Variants in UBE2E2 observed in about 807,000 individuals in gnomAD.
UBE2E2 encodes ubiquitin-conjugating enzyme E2 E2.
Under a neutral mutation model 24.7 loss-of-function variants are expected in UBE2E2, and 6 were observed. That is an observed-to-expected ratio of 0.24 (90% CI 0.13 to 0.48). UBE2E2 has a LOEUF of 0.48. UBE2E2 is among the 20% of genes least tolerant of loss of function. UBE2E2 has a pLI of 0.99. For missense variants in UBE2E2, 169 were observed against 245.0 expected, an observed-to-expected ratio of 0.69 and a Z score of 2.07; for synonymous variants, 104 against 83.6, an observed-to-expected ratio of 1.24 and a Z score of -1.33.
intron 5 of UBE2E2, among the ~76,000 whole-genome samples, chr3:23,539,305 T>A (rs533044593): frequency 1.3e-5 from 2 of 152,364 alleles, no homozygotes; most frequent in East Asian, 3.9e-4. Flanking sequence ...TTACTAGAAA[T>A]GCTGACCTGC....
At chr3:23,506,172 A>G (rs577410361) in intron 4 of UBE2E2, among the ~76,000 whole-genome samples, 2 of 152,354 alleles carry the variant, frequency 1.3e-5, no homozygotes, top group South Asian at 4.1e-4. Flanking sequence ...TGCAGTTGTC[A>G]TGGAATAACA....
At chr3:23,469,994 A>G (rs1698999835) in intron 3 of UBE2E2, among the ~76,000 whole-genome samples, 1 of 152,210 alleles carries the variant, frequency 6.6e-6, no homozygotes, top group Non-Finnish European at 1.5e-5. Flanking sequence ...TCAAGGCTCC[A>G]GTAATACTAA....
At chr3:23,569,287 G>A (rs1467520752) in intron 5 of UBE2E2, among the ~76,000 whole-genome samples, 2 of 152,158 alleles carry the variant, frequency 1.3e-5, no homozygotes, top group South Asian at 2.1e-4. Flanking sequence ...AGACACCAAA[G>A]TAGTTTGATT....
chr3:23,413,307 C>T (rs76619102), intron 3 of UBE2E2, among the ~76,000 whole-genome samples: 4,378 of 152,166 alleles, frequency 0.029, 107 homozygotes, highest in East Asian at 0.13. Context: ...ATATGAAATA[C>T]ATACCACATT....
chr3:23,566,189 A>G (rs1245333673), intron 5 of UBE2E2, among the ~76,000 whole-genome samples: 1 of 152,226 alleles, frequency 6.6e-6, no homozygotes, highest in East Asian at 1.9e-4. Context: ...AGAGCAAAGC[A>G]TTGGAACAGT....
chr3:23,429,897 T>C (rs187555779), intron 3 of UBE2E2, among the ~76,000 whole-genome samples: 2 of 152,200 alleles, frequency 1.3e-5, no homozygotes, highest in African/African-American at 4.8e-5. Context: ...ATTTATTTAT[T>C]TGAGATGGAG....
chr3:23,375,913 C>T (rs1696510145), intron 3 of UBE2E2, among the ~76,000 whole-genome samples: 1 of 152,060 alleles, frequency 6.6e-6, no homozygotes, highest in South Asian at 2.1e-4. Flanking sequence ...TTATATGTAG[C>T]CAAAGTGCTC....
intron 3 of UBE2E2, among the ~76,000 whole-genome samples, chr3:23,362,012 A>G (rs1037663719): frequency 3.9e-5 from 6 of 152,212 alleles, no homozygotes; most frequent in African/African-American, 1.4e-4. Flanking sequence ...GAATAATTTC[A>G]TAAAAAAGCT....
intron 3 of UBE2E2, among the ~76,000 whole-genome samples, chr3:23,422,897 C>T (rs1697836053): frequency 6.6e-6 from 1 of 152,052 alleles, no homozygotes; most frequent in Admixed American, 6.6e-5. Context: ...ATTCTTGAAT[C>T]ACCAAGATCT....
intron 3 of UBE2E2, among the ~76,000 whole-genome samples, chr3:23,328,822 C>T (rs573218688): frequency 2.0e-5 from 3 of 152,156 alleles, no homozygotes; most frequent in South Asian, 4.2e-4. Flanking sequence ...CCACCATGCC[C>T]GGCTGATTTT....
At chr3:23,415,652 A>G (rs1697605931) in intron 3 of UBE2E2, among the ~76,000 whole-genome samples, 1 of 152,150 alleles carries the variant, frequency 6.6e-6, no homozygotes, top group East Asian at 1.9e-4. Context: ...AATTTAGCCA[A>G]TTCTAGGATT....
chr3:23,261,958 T>C (rs764244149), intron 3 of UBE2E2, among the ~76,000 whole-genome samples: 8 of 152,266 alleles, frequency 5.3e-5, no homozygotes, highest in Non-Finnish European at 1.0e-4. Context: ...ATCTCTTTGA[T>C]ATTCTGATTT....
chr3:23,520,270 A>G (rs1172278833), intron 4 of UBE2E2, among the ~76,000 whole-genome samples: 1 of 152,184 alleles, frequency 6.6e-6, no homozygotes, highest in Non-Finnish European at 1.5e-5. Flanking sequence ...CTTAGTAATA[A>G]TAGTACCCAC....
At chr3:23,447,761 G>T (rs1177137578) in intron 3 of UBE2E2, among the ~76,000 whole-genome samples, 1 of 152,042 alleles carries the variant, frequency 6.6e-6, no homozygotes, top group African/African-American at 2.4e-5. Context: ...TAATTTTTGT[G>T]TGATAAGAAA....
chr3:23,221,788 C>T (rs1696655341), intron 3 of UBE2E2, among the ~76,000 whole-genome samples: 1 of 152,254 alleles, frequency 6.6e-6, no homozygotes, highest in African/African-American at 2.4e-5. Context: ...AGGCGTGCGC[C>T]ACCATGCCTG....
chr3:23,527,620 C>T (rs1695029467), intron 4 of UBE2E2, among the ~76,000 whole-genome samples: 1 of 152,144 alleles, frequency 6.6e-6, no homozygotes. Context: ...CTTTCAGCCC[C>T]TTTCCCCTAT....
chr3:23,210,661 GATAATGT>G lies in UBE2E2; in HGVS notation c.176+1789_176+1795del, dbSNP rs535520162. Among the ~76,000 whole-genome samples, 1,218 of 152,300 alleles carry G rather than the reference GATAATGT, an allele frequency of 8.0e-3. 13 individuals are homozygous for G. Among genetic ancestry groups the G allele is most frequent in the African/African-American group, 0.027 (1,117 of 41,568 alleles). On this transcript the variant is annotated intron_variant, in intron 2 of 5. Coordinates refer to ENST00000396703, the MANE Select transcript of UBE2E2 (RefSeq NM_152653.4). ...TGTAGGAGATAAAACCTAGTTTAGAGATAATGTATGTGCAGAGCGCAGCGCAGTGCCT... is the reference window on the plus strand; with the variant it reads ...TGTAGGAGATAAAACCTAGTTTAGAGATGTGCAGAGCGCAGCGCAGTGCCT...
intron 2 of UBE2E2, among the ~76,000 whole-genome samples, chr3:23,212,630 G>C (rs1035233796): frequency 2.6e-5 from 4 of 151,950 alleles, no homozygotes; most frequent in African/African-American, 9.7e-5. Context: ...TTTTTGTTAG[G>C]TTGAAAGATT....
At chr3:23,418,515 G>A (rs116340684) in intron 3 of UBE2E2, among the ~76,000 whole-genome samples, 1,723 of 152,240 alleles carry the variant, frequency 0.011, 10 homozygotes, top group South Asian at 0.017. Flanking sequence ...TCTAATTTTT[G>A]TATTTTTAGT....
Sources: allele counts gnomAD v4.1 joint callset (sites outside exome capture counted in the v4.1 genomes callset), GRCh38; gene constraint gnomAD v4.1.1; transcripts MANE v1.5; gene names NCBI Gene and HGNC (gene_info 2026-07-23, HGNC 2026-07-21).